Variants in ARID4A observed in about 807,000 individuals in gnomAD.
The protein encoded by ARID4A is AT-rich interaction domain 4A.
In ARID4A, 39 loss-of-function variants were observed where a neutral mutation model predicts 148.6. That is an observed-to-expected ratio of 0.26 (90% CI 0.20 to 0.34). The LOEUF (loss-of-function observed/expected upper bound fraction) is 0.34, where lower values mean the gene tolerates loss of function less well. Among genes scored for constraint, ARID4A ranks in the 10% least tolerant of loss-of-function variants. The probability of loss-of-function intolerance (pLI) is 1.00; values close to 1 mark genes in which losing one functional copy is unlikely to be tolerated. For synonymous variants in ARID4A, 475 were observed against 481.2 expected (o/e 0.99, Z 0.17); for missense variants, 1,265 against 1,449.1 (o/e 0.87, Z 2.06).
chr14:58,344,679 T>C lies in ARID4A; in HGVS notation c.907-16T>C. ...CAGTTCACTGTGCCATACATTTATATATTTTATCTTTACAGCCTGAGGAAG... is the reference window on the plus strand; with the variant it reads ...CAGTTCACTGTGCCATACATTTATACATTTTATCTTTACAGCCTGAGGAAG... On this transcript the variant is annotated splice_polypyrimidine_tract_variant and intron_variant, in intron 11 of 23. Coordinates refer to ENST00000355431, the MANE Select transcript of ARID4A (RefSeq NM_002892.4). The C allele has an allele frequency of 6.3e-7, 1 of 1,578,778 alleles. No individual in the cohort carries two copies. Among genetic ancestry groups the C allele is most frequent in the Non-Finnish European group, 8.7e-7 (1 of 1,152,872 alleles).
At chr14:58,308,141 A>C (rs1014709729) in intron 5 of ARID4A, among the ~76,000 whole-genome samples, 3 of 152,234 alleles carry the variant, frequency 2.0e-5, no homozygotes, top group African/African-American at 7.2e-5. Flanking sequence ...GTAGCGTTTT[A>C]GTGTTTCTAA....
chr14:58,333,786 A>G (rs2033655951), intron 11 of ARID4A, among the ~76,000 whole-genome samples: 1 of 152,160 alleles, frequency 6.6e-6, no homozygotes. Flanking sequence ...ATTCAAGATT[A>G]CTTTAGGTAT....
At chr14:58,322,980 A>AATATATAT (rs1220546707) in intron 7 of ARID4A, among the ~76,000 whole-genome samples, 32 of 114,274 alleles carry the variant, frequency 2.8e-4, no homozygotes, top group African/African-American at 1.1e-3. Flanking sequence ...AAAAAAAAAA[A>AATATATAT]ATATATATAT....
chr14:58,329,895 A>T (rs534350015), intron 10 of ARID4A, 108 bp from the exon 11 acceptor site: 1 of 1,502,590 alleles, frequency 6.7e-7, no homozygotes, highest in Non-Finnish European at 8.9e-7. Flanking sequence ...CATTTTATAA[A>T]TGACAGCCGA....
rs553295302 is a variant in ARID4A, at chr14:58,313,632, A to AGCTGGAGACCTGAGAT, written c.275-4907_275-4892dup. On this transcript the variant is annotated intron_variant, in intron 5 of 23. Transcript: ENST00000355431. ...GAATGACCATGACAGGTTCTCTGTA[A>AGCTGGAGACCTGAGAT]GCTGGAGACCTGAGATGCCAATAGC... Among the ~76,000 whole-genome samples, 32 of 152,336 alleles carry AGCTGGAGACCTGAGAT rather than the reference A, an allele frequency of 2.1e-4. No individual in the cohort carries two copies. In the South Asian group the frequency reaches 4.3e-3, roughly 21 times the overall value.
intron 1 of ARID4A, among the ~76,000 whole-genome samples, chr14:58,299,121 G>A (rs993856860): frequency 2.0e-5 from 3 of 152,152 alleles, no homozygotes; most frequent in Non-Finnish European, 2.9e-5. Flanking sequence ...GCTGGGAGGA[G>A]GCAGCGGCTG....
intron 9 of ARID4A, 131 bp from the exon 10 acceptor site, chr14:58,329,397 C>T: frequency 1.5e-6 from 1 of 649,990 alleles, no homozygotes; most frequent in Non-Finnish European, 2.7e-6. Context: ...TTGTTAAGGA[C>T]TAAGATAAAA....
Position 58,323,653 on chromosome 14 carries a change from C to CTA in ARID4A, c.582+37_582+38dup, listed in dbSNP as rs779711602. 4.5e-6 allele frequency: 7 copies of CTA among 1,538,482 alleles called. No individual in the cohort carries two copies. In the East Asian group the frequency reaches 1.1e-4, roughly 25 times the overall value. On this transcript the variant is annotated intron_variant, in intron 8 of 23. Coordinates refer to ENST00000355431, the MANE Select transcript of ARID4A (RefSeq NM_002892.4). ...TTTCTTTGCAGAGTTAATCAGCCGT[C>CTA]TAAATATTTGTTTTAAATGGATTTT... is the stretch of plus-strand genomic sequence containing the variant.
chr14:58,341,599 A>G (rs1038402838), intron 11 of ARID4A, among the ~76,000 whole-genome samples: 2 of 152,222 alleles, frequency 1.3e-5, no homozygotes, highest in African/African-American at 2.4e-5. Context: ...AGAAGGTACC[A>G]TGTGTTCTCA....
intron 5 of ARID4A, among the ~76,000 whole-genome samples, chr14:58,317,603 T>C (rs2032540597): frequency 6.9e-6 from 1 of 145,484 alleles, no homozygotes; most frequent in Admixed American, 6.9e-5. Context: ...AGTTTCTTTT[T>C]AAAAAAACCT....
At chr14:58,344,543 CT>C in intron 11 of ARID4A, 151 bp from the exon 12 acceptor site, 1 of 581,264 alleles carries the variant, frequency 1.7e-6, no homozygotes, top group Admixed American at 3.4e-5. Flanking sequence ...ATAAATATGA[CT>C]TAAAATCTGT....
intron 23 of ARID4A, chr14:58,370,079 T>C (rs1234572297): frequency 6.6e-6 from 1 of 152,222 alleles, no homozygotes; most frequent in Non-Finnish European, 1.5e-5. Flanking sequence ...AGTTTTTAAT[T>C]CCTAGAAATA....
intron 17 of ARID4A, among the ~76,000 whole-genome samples, chr14:58,356,156 CT>C (rs1208257154): frequency 1.3e-5 from 2 of 152,104 alleles, no homozygotes; most frequent in African/African-American, 4.8e-5. Context: ...TGGGACTATC[CT>C]TTGTTAGCAA....
chr14:58,320,961 T>C (rs948461791), intron 7 of ARID4A, among the ~76,000 whole-genome samples: 7 of 152,194 alleles, frequency 4.6e-5, no homozygotes, highest in African/African-American at 1.7e-4. Flanking sequence ...ACCTGTTCCC[T>C]AATATGTTGG....
chr14:58,339,843 G>GGAGA (rs35021584), intron 11 of ARID4A, among the ~76,000 whole-genome samples: 92 of 142,388 alleles, frequency 6.5e-4, no homozygotes, highest in South Asian at 4.2e-3. Flanking sequence ...CGTGGCAACA[G>GGAGA]GAGAGAGAGA....
intron 7 of ARID4A, among the ~76,000 whole-genome samples, chr14:58,321,037 G>GAA (rs1052135361): frequency 1.1e-3 from 165 of 152,284 alleles, no homozygotes; most frequent in African/African-American, 3.9e-3. Context: ...TGTCCTGAAG[G>GAA]AAAGCACAGC....
chr14:58,299,617 C>T (rs2030947626), intron 1 of ARID4A, 181 bp from the exon 2 acceptor site: 5 of 592,214 alleles, frequency 8.4e-6, no homozygotes, highest in African/African-American at 1.9e-5. Context: ...TGCCCTTTGG[C>T]GCTCGTGGGG....
intron 16 of ARID4A, chr14:58,353,311 C>G (rs781000964): frequency 1.7e-5 from 3 of 172,352 alleles, no homozygotes; most frequent in African/African-American, 7.1e-5. Context: ...TACAGATCAT[C>G]GTTAGCTGGC....
intron 18 of ARID4A, among the ~76,000 whole-genome samples, chr14:58,359,945 A>G (rs899587863): frequency 1.3e-5 from 2 of 152,108 alleles, no homozygotes; most frequent in Admixed American, 1.3e-4. Context: ...CGGCGCCTGT[A>G]GTCCCAGCTA....
Sources: allele counts gnomAD v4.1 joint callset (sites outside exome capture counted in the v4.1 genomes callset), GRCh38; gene constraint gnomAD v4.1.1; transcripts MANE v1.5; gene names NCBI Gene and HGNC (gene_info 2026-07-23, HGNC 2026-07-21).